ITGA9: variants seen among roughly 807,000 people sequenced by gnomAD.
ITGA9 encodes the protein integrin subunit alpha 9.
In ITGA9, 56 loss-of-function variants were observed where a neutral mutation model predicts 127.8. The ratio of observed to expected loss-of-function variants is 0.44; its 90% CI spans 0.35 to 0.55. The LOEUF (loss-of-function observed/expected upper bound fraction) is 0.55. Among genes scored for constraint, ITGA9 ranks in the 20% least tolerant of loss-of-function variants. The probability of loss-of-function intolerance (pLI) is 0.00; values close to 1 mark genes in which losing one functional copy is unlikely to be tolerated. For missense variants in ITGA9, 1,196 were observed against 1,347.1 expected (o/e 0.89, Z 1.76); for synonymous variants, 508 against 514.5 (o/e 0.99, Z 0.17).
chr3:37,577,650 A>G (rs1158897445), intron 15 of ITGA9, among the ~76,000 whole-genome samples: 1 of 152,198 alleles, frequency 6.6e-6, no homozygotes, highest in Non-Finnish European at 1.5e-5. Flanking sequence ...TGCATTAGAA[A>G]CTTCTGAACT....
intron 26 of ITGA9, among the ~76,000 whole-genome samples, chr3:37,791,659 A>G (rs1008520443): frequency 1.3e-5 from 2 of 152,192 alleles, no homozygotes; most frequent in Admixed American, 6.5e-5. Context: ...TGATACCAGC[A>G]TGAAGCTCCT....
intron 17 of ITGA9, among the ~76,000 whole-genome samples, chr3:37,671,193 T>C (rs1363188639): frequency 6.6e-6 from 1 of 152,272 alleles, no homozygotes; most frequent in Non-Finnish European, 1.5e-5. Context: ...TGAGTGAACC[T>C]GATTTGTTCC....
At chr3:37,573,761 T>C (rs532794685) in intron 15 of ITGA9, among the ~76,000 whole-genome samples, 5 of 152,252 alleles carry the variant, frequency 3.3e-5, no homozygotes, top group African/African-American at 1.2e-4. Context: ...GAGCCATGTG[T>C]GCCAGGTACG....
chr3:37,803,455 A>G (rs1305167111), intron 26 of ITGA9, among the ~76,000 whole-genome samples: 2 of 152,236 alleles, frequency 1.3e-5, no homozygotes, highest in Non-Finnish European at 2.9e-5. Context: ...TGTCAAGCCC[A>G]GGCTGGGCTC....
rs1696653303 is a variant in ITGA9 at position 37,756,425 on chromosome 3, AT to A, written c.2541+5857del. On this transcript the variant is annotated intron_variant, in intron 23 of 27. Transcript: ENST00000264741. ...AAAATTTATTGCTTTCCCCTCAAAA[AT>A]CATCACACAAGTAGGAGTAAAATAA... 2.0e-5 allele frequency among the ~76,000 whole-genome samples: 3 copies of A among 152,178 alleles called. No homozygotes were observed. The South Asian group carries it at 6.2e-4, about 31-fold the overall frequency.
intron 18 of ITGA9, among the ~76,000 whole-genome samples, chr3:37,704,488 A>T (rs1468062383): frequency 6.6e-6 from 1 of 152,222 alleles, no homozygotes; most frequent in Non-Finnish European, 1.5e-5. Flanking sequence ...AGCATGGTCT[A>T]TCCTGTTTTC....
chr3:37,757,232 C>T (rs1696663512), intron 23 of ITGA9, among the ~76,000 whole-genome samples: 1 of 151,828 alleles, frequency 6.6e-6, no homozygotes, highest in African/African-American at 2.4e-5. Context: ...AAATCAAAAG[C>T]TGTTTTTTTG....
intron 19 of ITGA9, among the ~76,000 whole-genome samples, chr3:37,735,116 C>T (rs1696343881): frequency 6.6e-6 from 1 of 152,242 alleles, no homozygotes; most frequent in Non-Finnish European, 1.5e-5. Context: ...ATGTATTTCT[C>T]TCTCTCACAG....
At chr3:37,593,856 C>T (rs1322350313) in intron 15 of ITGA9, among the ~76,000 whole-genome samples, 5 of 150,328 alleles carry the variant, frequency 3.3e-5, no homozygotes, top group Non-Finnish European at 5.9e-5. Flanking sequence ...CTGCTGTCCT[C>T]GTGTGGACAC....
At chr3:37,524,171 AT>A (rs1250578799) in intron 12 of ITGA9, among the ~76,000 whole-genome samples, 1 of 152,168 alleles carries the variant, frequency 6.6e-6, no homozygotes, top group Admixed American at 6.5e-5. Flanking sequence ...AAGATACATG[AT>A]TTCAAACCCA....
intron 18 of ITGA9, among the ~76,000 whole-genome samples, chr3:37,700,260 A>T (rs1229418382): frequency 6.6e-6 from 1 of 151,234 alleles, no homozygotes; most frequent in Admixed American, 6.6e-5. Context: ...CTGGGATGAC[A>T]GGTGTGAGCC....
chr3:37,455,446 A>G (rs1465382044), intron 1 of ITGA9, among the ~76,000 whole-genome samples: 2 of 152,208 alleles, frequency 1.3e-5, no homozygotes, highest in African/African-American at 4.8e-5. Flanking sequence ...ACATTAATTT[A>G]TTCAGACACT....
intron 15 of ITGA9, among the ~76,000 whole-genome samples, chr3:37,560,683 T>C (rs2125599499): frequency 6.6e-6 from 1 of 152,368 alleles, no homozygotes; most frequent in South Asian, 2.1e-4. Flanking sequence ...GGTTTTGATT[T>C]GCATTTCTCT....
intron 15 of ITGA9, among the ~76,000 whole-genome samples, chr3:37,573,561 C>T (rs147661929): frequency 6.6e-6 from 1 of 152,236 alleles, no homozygotes; most frequent in Non-Finnish European, 1.5e-5. Context: ...CTCAGATGGG[C>T]TGTCATCCAG....
At chr3:37,612,408 C>T (rs1211946253) in intron 15 of ITGA9, among the ~76,000 whole-genome samples, 1 of 152,134 alleles carries the variant, frequency 6.6e-6, no homozygotes, top group African/African-American at 2.4e-5. Context: ...GATCTACAGA[C>T]ATTTTGAGTA....
chr3:37,812,862 T>A (rs908601697), intron 27 of ITGA9, among the ~76,000 whole-genome samples: 16 of 152,200 alleles, frequency 1.1e-4, no homozygotes, highest in Admixed American at 1.0e-3. Context: ...GGCTTGGAAG[T>A]GAGTGTGGGG....
intron 15 of ITGA9, among the ~76,000 whole-genome samples, chr3:37,610,747 A>C (rs1700008357): frequency 6.6e-6 from 1 of 152,222 alleles, no homozygotes; most frequent in South Asian, 2.1e-4. Context: ...TCAGTCATCC[A>C]TCTGCCAGTA....
intron 11 of ITGA9, among the ~76,000 whole-genome samples, chr3:37,523,173 T>C (rs1014843917): frequency 6.6e-6 from 1 of 152,198 alleles, no homozygotes; most frequent in Non-Finnish European, 1.5e-5. Flanking sequence ...GCTACACCTG[T>C]GTAAAAACAA....
intron 2 of ITGA9, among the ~76,000 whole-genome samples, chr3:37,472,829 C>G (rs979863377): frequency 6.6e-6 from 1 of 152,170 alleles, no homozygotes; most frequent in Admixed American, 6.5e-5. Flanking sequence ...AAGGCCCTGC[C>G]TCTTTCCATG....
Sources: gnomAD v4.1 joint callset for allele counts (sites outside exome capture counted in the v4.1 genomes callset) on GRCh38, gnomAD v4.1.1 for gene constraint, MANE v1.5 for transcripts, NCBI Gene and HGNC (gene_info 2026-07-23, HGNC 2026-07-21) for gene names.